Variants in ACVR1B observed in about 807,000 individuals in gnomAD.
The protein encoded by ACVR1B is activin receptor type-1B.
Under a neutral mutation model 55.6 loss-of-function variants are expected in ACVR1B, and 15 were observed. The ratio of observed to expected loss-of-function variants is 0.27; its 90% CI spans 0.18 to 0.42. The LOEUF (loss-of-function observed/expected upper bound fraction) is 0.42, where lower values mean the gene tolerates loss of function less well. Among genes scored for constraint, ACVR1B ranks in the 10% least tolerant of loss-of-function variants. The pLI is 1.00. For synonymous variants in ACVR1B, 247 were observed against 254.6 expected (o/e 0.97, Z 0.28); for missense variants, 359 against 670.1 (o/e 0.54, Z 5.13).
chr12:51,981,940 A>T (rs1407094682), intron 4 of ACVR1B, among the ~76,000 whole-genome samples: 1 of 151,954 alleles, frequency 6.6e-6, no homozygotes, highest in Non-Finnish European at 1.5e-5. Flanking sequence ...CCTGTAGTCC[A>T]CGAAGTGTCG....
At chr12:51,953,535 C>G (rs1018270152) in intron 1 of ACVR1B, 51 of 982,422 alleles carry the variant, frequency 5.2e-5, no homozygotes, top group Non-Finnish European at 6.0e-5. Flanking sequence ...GGATGTTCGT[C>G]GGGCCTTATT....
chr12:51,989,350 T>C (rs1477661443), intron 7 of ACVR1B, among the ~76,000 whole-genome samples: 1 of 152,150 alleles, frequency 6.6e-6, no homozygotes. Flanking sequence ...CATGGCACAA[T>C]CTTAGCTCAC....
intron 1 of ACVR1B, among the ~76,000 whole-genome samples, chr12:51,957,080 CTGTT>C (rs1253144871): frequency 6.6e-6 from 1 of 151,948 alleles, no homozygotes; most frequent in Non-Finnish European, 1.5e-5. Context: ...TCATGTGTTT[CTGTT>C]TATTTTTATT....
intron 6 of ACVR1B, among the ~76,000 whole-genome samples, chr12:51,986,251 A>G (rs1232190907): frequency 6.6e-6 from 1 of 152,084 alleles, no homozygotes; most frequent in Non-Finnish European, 1.5e-5. Flanking sequence ...AAATAAACAA[A>G]TCTTTACTCT....
chr12:51,984,971 T>C (rs1018650713), intron 5 of ACVR1B, among the ~76,000 whole-genome samples: 4 of 152,236 alleles, frequency 2.6e-5, no homozygotes, highest in African/African-American at 4.8e-5. Context: ...CTTAGCTACA[T>C]GAATGCATTT....
At chr12:51,965,084 CTA>C (rs766355718) in intron 1 of ACVR1B, among the ~76,000 whole-genome samples, 7 of 152,192 alleles carry the variant, frequency 4.6e-5, no homozygotes, top group East Asian at 1.9e-4. Context: ...TATGTTTACT[CTA>C]TGTGTAATTT....
In ACVR1B at chr12:51,994,437, C is replaced by T. The variant is rs116085211; in HGVS notation, c.*327C>T. On this transcript the variant is annotated 3_prime_UTR_variant, in exon 9 of 9. Transcript: ENST00000257963. The surrounding 1 kb of genome is among the most constrained non-coding windows in gnomAD (Gnocchi z 4.2). ...ACGTGGCCAGGAGCCATGACAGGGG[C>T]GCTTGGGAGGGGCCGGAGGAACCGA... 6,173 of 312,564 alleles carry T rather than the reference C, an allele frequency of 0.02. 76 individuals are homozygous for T. Among genetic ancestry groups the T allele is most frequent in the African/African-American group, 0.029 (1,310 of 45,806 alleles). 19.4% of individuals were successfully genotyped at this position (312,564 alleles called of 1,614,324 possible).
rs1464909318 is a variant in ACVR1B, at chr12:51,984,183, A to G, written c.979+17A>G. The G allele has an allele frequency of 3.1e-6, 5 of 1,613,838 alleles. No individual in the cohort carries two copies. The highest frequency in any genetic ancestry group is 2.2e-5 in the East Asian group (1 of 44,886). On this transcript the variant is annotated intron_variant, in intron 5 of 8. Transcript: ENST00000257963. Reference sequence around the variant, plus strand: ...GCACCCAAGGTGAGTGGACTAGCGCAGGAGCGGCGAAGTGGTGTAGGCATG... The same window carrying G: ...GCACCCAAGGTGAGTGGACTAGCGCGGGAGCGGCGAAGTGGTGTAGGCATG...
intron 1 of ACVR1B, among the ~76,000 whole-genome samples, chr12:51,971,129 T>C (rs889150966): frequency 4.6e-5 from 7 of 152,322 alleles, no homozygotes; most frequent in Admixed American, 2.6e-4. Flanking sequence ...GCCTGTCTTT[T>C]CTGAGTTCCA....
Position 51,993,765 on chromosome 12 carries a change from T to TAAAAAAA in ACVR1B, c.1393-187_1393-181dup, listed in dbSNP as rs869161100. ...CTGGGTGACAGAGTGAGACTCCTTC[T>TAAAAAAA]AAAAAAAAAAAAAAAAAAAAAAAAA... On this transcript the variant is annotated intron_variant, in intron 8 of 8. Transcript: ENST00000257963. Among the ~76,000 whole-genome samples the TAAAAAAA allele has an allele frequency of 7.1e-4, 21 of 29,766 alleles. 4 individuals carry two copies. The highest frequency in any genetic ancestry group is 4.8e-3 in the South Asian group (3 of 620). The allele number at this position is 29,766 out of a possible 152,430, so 19.5% of individuals were successfully genotyped here.
chr12:51,956,584 A>G (rs1039642521), intron 1 of ACVR1B, among the ~76,000 whole-genome samples: 6 of 151,998 alleles, frequency 3.9e-5, no homozygotes, highest in Non-Finnish European at 4.4e-5. Context: ...TCATTGTTTT[A>G]TCTGTAAAAT....
At chr12:51,952,962 G>C (rs1159548624) in intron 1 of ACVR1B, among the ~76,000 whole-genome samples, 2 of 152,142 alleles carry the variant, frequency 1.3e-5, no homozygotes, top group African/African-American at 4.8e-5. Flanking sequence ...TGGGGGCTGA[G>C]AAGAGCAGAT....
At chr12:51,966,519 G>A (rs1425906405) in intron 1 of ACVR1B, among the ~76,000 whole-genome samples, 1 of 152,202 alleles carries the variant, frequency 6.6e-6, no homozygotes, top group Non-Finnish European at 1.5e-5. Flanking sequence ...TGGAGTCACA[G>A]CTCACTTCAG....
At chr12:51,973,516 G>A (rs1444629328) in intron 1 of ACVR1B, among the ~76,000 whole-genome samples, 1 of 152,200 alleles carries the variant, frequency 6.6e-6, no homozygotes, top group Non-Finnish European at 1.5e-5. Context: ...AAATGTAAAA[G>A]CAGAAAGAAT....
intron 1 of ACVR1B, among the ~76,000 whole-genome samples, chr12:51,961,140 T>C (rs1490004672): frequency 2.0e-5 from 3 of 152,214 alleles, no homozygotes; most frequent in Non-Finnish European, 2.9e-5. Context: ...TCTCTGCTTT[T>C]CCCCTCAGCC....
chr12:51,976,423 T>G lies in ACVR1B; in HGVS notation c.428T>G (p.Ile143Ser). The G allele has an allele frequency of 6.2e-7, 1 of 1,614,170 alleles. No homozygotes were observed. Among genetic ancestry groups the G allele is most frequent in the Admixed American group, 1.7e-5 (1 of 60,028 alleles). Residue 143 changes from isoleucine (I) to serine (S), a missense_variant, in exon 3 of 9, where the codon ATC becomes AGC. By Grantham distance (142) the Ile-to-Ser change is moderately radical. Around this residue, in one of 5 missense-constraint regions of ACVR1B, gnomAD observed 133 missense variants for 188.2 expected, o/e 0.71. Transcript: ENST00000257963. ...GTGTTCCTCCTGTTCCTCATCATCATCATTGTTTTCCTTGTCATTAACTAT... is the reference window on the plus strand; with the variant it reads ...GTGTTCCTCCTGTTCCTCATCATCAGCATTGTTTTCCTTGTCATTAACTAT... The part of the protein sequence containing the change: ...GPVFLLFLII[I>S]IVFLVINYHQ...
In ACVR1B at chr12:51,996,596, T is replaced by C. The variant is rs1246079935; in HGVS notation, c.*2486T>C. The C allele has an allele frequency of 6.6e-6, 1 of 152,524 alleles. No individual in the cohort carries two copies. The highest frequency in any genetic ancestry group is 1.5e-5 in the Non-Finnish European group (1 of 68,064). 9.4% of individuals were successfully genotyped at this position (152,524 alleles called of 1,614,324 possible). On this transcript the variant is annotated 3_prime_UTR_variant, in exon 9 of 9. Coordinates refer to ENST00000257963, the MANE Select transcript of ACVR1B (RefSeq NM_004302.5). ...CCAGAGTCACAAGTAGCCTCTGGGA[T>C]CTGCCAACACACGTCCACTCCCAAG... is the stretch of plus-strand genomic sequence containing the variant.
chr12:51,985,464 T>C, intron 6 of ACVR1B, 116 bp downstream of exon 6: 2 of 1,237,652 alleles, frequency 1.6e-6, no homozygotes, highest in South Asian at 3.0e-5. Flanking sequence ...AGGACCTTGC[T>C]CTCAGCCCAC....
chr12:51,953,157 GC>G (rs1941343188), intron 1 of ACVR1B, among the ~76,000 whole-genome samples: 1 of 152,134 alleles, frequency 6.6e-6, no homozygotes, highest in Admixed American at 6.5e-5. Flanking sequence ...CTTCTCAGCA[GC>G]CCCTAACCTT....
Sources: gnomAD v4.1 joint callset for allele counts (sites outside exome capture counted in the v4.1 genomes callset) on GRCh38, gnomAD v4.1.1 for gene constraint, gnomAD v4.1.1 regional missense constraint, Gnocchi (gnomAD v3.1) non-coding constraint, MANE v1.5 for transcripts, NCBI Gene and HGNC (gene_info 2026-07-23, HGNC 2026-07-21) for gene names.